Variants in EYS observed in about 807,000 individuals in gnomAD.
The protein encoded by EYS is EGF-like photoreceptor maintenance factor, also known as protein eyes shut homolog.
Under a neutral mutation model 282.1 loss-of-function variants are expected in EYS, and 250 were observed. That is an observed-to-expected ratio of 0.89 (90% CI 0.80 to 0.98). The LOEUF (loss-of-function observed/expected upper bound fraction) is 0.98. Ranked by LOEUF, EYS falls within the 50% of genes least tolerant of loss-of-function variation. EYS has a pLI of 0.00. For synonymous variants in EYS, 1,355 were observed against 1,282.9 expected (o/e 1.06, Z -1.20); for missense variants, 4,016 against 3,709.0 (o/e 1.08, Z -2.15).
chr6:64,663,756 C>A (rs1769128016), intron 22 of EYS, among the ~76,000 whole-genome samples: 1 of 152,142 alleles, frequency 6.6e-6, no homozygotes, highest in Non-Finnish European at 1.5e-5. Flanking sequence ...GGTCTTTGCT[C>A]CCAGAGCCCC....
At chr6:65,040,766 G>A (rs1030443923) in intron 13 of EYS, among the ~76,000 whole-genome samples, 1 of 151,660 alleles carries the variant, frequency 6.6e-6, no homozygotes, top group African/African-American at 2.4e-5. Flanking sequence ...CATGTTGTAA[G>A]GAAGCCCAAG....
rs144308450 is a variant in EYS at position 65,140,699 on chromosome 6, C to A, written c.2024-82972G>T. 1.2e-4 allele frequency among the ~76,000 whole-genome samples: 19 copies of A among 152,150 alleles called. No homozygotes were observed. The East Asian group carries it at 3.3e-3, about 26-fold the overall frequency. On this transcript the variant is annotated intron_variant, in intron 12 of 42. Coordinates refer to ENST00000503581, the MANE Select transcript of EYS (RefSeq NM_001142800.2). ...GGGCAAAGGATATGAACAGACACAT[C>A]TCAAAAGAAGACATTTATGCAGCCA...
At chr6:63,762,742 T>C (rs1401639857) in intron 40 of EYS, 109 bp from the exon 41 acceptor site, 2 of 1,035,934 alleles carry the variant, frequency 1.9e-6, no homozygotes, top group Non-Finnish European at 2.7e-6. Context: ...TTCCAAGAGA[T>C]CAAAATGAAT....
In EYS at chr6:64,757,237, C is replaced by T. The variant is rs560488983; in HGVS notation, c.3443+56141G>A. Reference sequence around the variant, plus strand: ...CCTTATCATCTCCCCATAGAGGAATCCTTCTCCAACCTGAAAAGTTAGTCC... The same window carrying T: ...CCTTATCATCTCCCCATAGAGGAATTCTTCTCCAACCTGAAAAGTTAGTCC... On this transcript the variant is annotated intron_variant, in intron 22 of 42. Coordinates refer to ENST00000503581, the MANE Select transcript of EYS (RefSeq NM_001142800.2). 7.2e-5 allele frequency among the ~76,000 whole-genome samples: 11 copies of T among 152,236 alleles called. No individual in the cohort carries two copies. The East Asian group carries it at 2.1e-3, about 29-fold the overall frequency.
intron 22 of EYS, among the ~76,000 whole-genome samples, chr6:64,779,802 A>G (rs1211804181): frequency 6.6e-6 from 1 of 152,218 alleles, no homozygotes; most frequent in African/African-American, 2.4e-5. Flanking sequence ...GCTCAAAAAC[A>G]TAAGAGCTAT....
chr6:64,682,141 A>G (rs1305648136), intron 22 of EYS, among the ~76,000 whole-genome samples: 1 of 152,148 alleles, frequency 6.6e-6, no homozygotes, highest in Non-Finnish European at 1.5e-5. Context: ...AAATTCATTA[A>G]TTTTCCCTTC....
At chr6:65,096,031 C>T (rs1285074256) in intron 12 of EYS, among the ~76,000 whole-genome samples, 1 of 150,786 alleles carries the variant, frequency 6.6e-6, no homozygotes, top group Non-Finnish European at 1.5e-5. Flanking sequence ...ATGACAGGGT[C>T]TCATATGTAG....
intron 35 of EYS, among the ~76,000 whole-genome samples, chr6:63,892,842 G>T (rs55727800): frequency 4.6e-5 from 7 of 152,114 alleles, no homozygotes; most frequent in Middle Eastern, 3.4e-3. Flanking sequence ...CTGACAAAGG[G>T]CTAATATCCT....
At chr6:64,951,651 A>G (rs761051071) in intron 14 of EYS, among the ~76,000 whole-genome samples, 2 of 151,848 alleles carry the variant, frequency 1.3e-5, no homozygotes, top group African/African-American at 2.4e-5. Context: ...ACTGAAATCT[A>G]TAAAAGAGAC....
chr6:65,183,099 GTTC>G (rs1765432605), intron 12 of EYS, among the ~76,000 whole-genome samples: 1 of 151,730 alleles, frequency 6.6e-6, no homozygotes, highest in African/African-American at 2.4e-5. Context: ...CCTCTATTCT[GTTC>G]TTCTTTCATC....
At chr6:64,502,549 C>G (rs1471183154) in intron 26 of EYS, among the ~76,000 whole-genome samples, 1 of 152,112 alleles carries the variant, frequency 6.6e-6, no homozygotes, top group African/African-American at 2.4e-5. Flanking sequence ...TAAGGTTAAT[C>G]ATCAATTTAT....
intron 22 of EYS, among the ~76,000 whole-genome samples, chr6:64,736,560 A>G (rs1246439416): frequency 6.6e-6 from 1 of 152,072 alleles, no homozygotes; most frequent in Non-Finnish European, 1.5e-5. Flanking sequence ...AGCTTCCCCA[A>G]ACTTGTTCCT....
rs1765528701 is a variant in EYS, at chr6:65,379,461, A to C, written c.1299+4925T>G. ...TCAATAAACTAGGTGTTGGTGGAAC[A>C]TATATCAAAATAATAAGGGCTATTT... On this transcript the variant is annotated intron_variant, in intron 8 of 42. Transcript: ENST00000503581. Among the ~76,000 whole-genome samples the C allele has an allele frequency of 2.6e-5, 4 of 152,044 alleles. No individual in the cohort carries two copies. The East Asian group carries it at 7.7e-4, about 29-fold the overall frequency.
intron 8 of EYS, among the ~76,000 whole-genome samples, chr6:65,366,307 T>C (rs1285475358): frequency 6.6e-6 from 1 of 151,660 alleles, no homozygotes; most frequent in East Asian, 1.9e-4. Context: ...TCAAGGTAAA[T>C]GCAGAATTTT....
chr6:63,742,825 G>A (rs867016304), intron 41 of EYS, among the ~76,000 whole-genome samples: 31 of 152,258 alleles, frequency 2.0e-4, no homozygotes, highest in Middle Eastern at 6.8e-3. Context: ...TTTCTGAGCA[G>A]TATTCCATGG....
intron 12 of EYS, among the ~76,000 whole-genome samples, chr6:65,098,487 C>T (rs759493923): frequency 3.9e-4 from 59 of 150,732 alleles, no homozygotes; most frequent in Non-Finnish European, 3.6e-4. Flanking sequence ...TCTAGTAAAG[C>T]TCTTAGTGCC....
chr6:63,835,977 G>T (rs778514063), intron 36 of EYS, among the ~76,000 whole-genome samples: 7 of 152,116 alleles, frequency 4.6e-5, no homozygotes, highest in Admixed American at 2.6e-4. Context: ...ATGTTCATCT[G>T]TTGGCAGACA....
chr6:65,510,879 T>C lies in EYS; in HGVS notation c.-332-14886A>G, dbSNP rs537152458. 2.0e-5 allele frequency among the ~76,000 whole-genome samples: 3 copies of C among 152,348 alleles called. No individual in the cohort carries two copies. The East Asian group carries it at 5.8e-4, about 29-fold the overall frequency. On this transcript the variant is annotated intron_variant, in intron 2 of 42. Coordinates refer to ENST00000503581, the MANE Select transcript of EYS (RefSeq NM_001142800.2). ...AATGGTTTCTTATTCCATTGGTAAATATGGTGCAATGTTTGATGACGCACA... is the reference window on the plus strand; with the variant it reads ...AATGGTTTCTTATTCCATTGGTAAACATGGTGCAATGTTTGATGACGCACA...
Position 64,148,097 on chromosome 6 carries a change from TAAA to T in EYS, c.6425-66098_6425-66096del, listed in dbSNP as rs373596555. Among the ~76,000 whole-genome samples the T allele has an allele frequency of 4.0e-4, 61 of 152,266 alleles. No individual in the cohort carries two copies. In the East Asian group the frequency reaches 8.5e-3, roughly 21 times the overall value. On this transcript the variant is annotated intron_variant, in intron 31 of 42. Transcript: ENST00000503581. ...TTTTTTGTTTATCATATTTTTGGTA[TAAA>T]AGTAATTTGTGAACTGTTTGAACAC...
Sources: allele counts gnomAD v4.1 joint callset (sites outside exome capture counted in the v4.1 genomes callset), GRCh38; gene constraint gnomAD v4.1.1; transcripts MANE v1.5; gene names NCBI Gene and HGNC (gene_info 2026-07-23, HGNC 2026-07-21).